LRRC4C: variants seen among roughly 807,000 people sequenced by gnomAD.
LRRC4C encodes the protein leucine rich repeat containing 4C.
Under a neutral mutation model 33.6 loss-of-function variants are expected in LRRC4C, and 5 were observed. That is an observed-to-expected ratio of 0.15 (90% CI 0.08 to 0.31). The LOEUF (loss-of-function observed/expected upper bound fraction) is 0.31. LRRC4C is among the 10% of genes least tolerant of loss of function. The pLI is 1.00. For missense variants in LRRC4C, 560 were observed against 796.7 expected, an observed-to-expected ratio of 0.70 and a Z score of 3.58; for synonymous variants, 329 against 302.0, an observed-to-expected ratio of 1.09 and a Z score of -0.93.
intron 3 of LRRC4C, among the ~76,000 whole-genome samples, chr11:40,367,980 C>T (rs927506484): frequency 1.3e-5 from 2 of 152,128 alleles, no homozygotes; most frequent in Non-Finnish European, 2.9e-5. Flanking sequence ...ATTGATTGAA[C>T]TACACCCCCT....
chr11:40,337,605 T>G (rs997479363), intron 3 of LRRC4C, among the ~76,000 whole-genome samples: 1 of 152,126 alleles, frequency 6.6e-6, no homozygotes, highest in African/African-American at 2.4e-5. Context: ...AGATAACAGT[T>G]TTAAATAAGT....
rs139248986 is a variant in LRRC4C at position 40,740,913 on chromosome 11, T to C, written c.-406-92635A>G. Among the ~76,000 whole-genome samples the C allele has an allele frequency of 1.0e-3, 157 of 152,216 alleles. 1 individual carries two copies. Among genetic ancestry groups the C allele is most frequent in the African/African-American group, 3.5e-3 (145 of 41,554 alleles). ...TACATTCCCCCCATTGGTACCTTTG[T>C]CAAAGACCATTTGACTGTAAAAGTA... On this transcript the variant is annotated intron_variant, in intron 2 of 6. Coordinates refer to ENST00000528697, the MANE Select transcript of LRRC4C (RefSeq NM_001258419.2).
intron 3 of LRRC4C, among the ~76,000 whole-genome samples, chr11:40,393,584 A>T (rs995832140): frequency 6.6e-6 from 1 of 152,208 alleles, no homozygotes; most frequent in Admixed American, 6.5e-5. Context: ...ATGGTACAGG[A>T]TAACTCGGTA....
At chr11:40,296,022 T>G (rs1266102679) in intron 4 of LRRC4C, among the ~76,000 whole-genome samples, 1 of 152,206 alleles carries the variant, frequency 6.6e-6, no homozygotes, top group African/African-American at 2.4e-5. Context: ...AATTTTCTTT[T>G]TAGGGATTTT....
chr11:41,425,893 G>C (rs958261371), intron 1 of LRRC4C, among the ~76,000 whole-genome samples: 1 of 152,082 alleles, frequency 6.6e-6, no homozygotes, highest in Non-Finnish European at 1.5e-5. Flanking sequence ...GTAAGGGATA[G>C]GTTGCCTTTT....
At position 41,319,218 on chromosome 11, in the gene LRRC4C, G is replaced by C. The variant is rs79109144; in HGVS notation, c.-496+140213C>G. ...AATGAGAAGGAAAAAAACTAACTAA[G>C]TAGTATCAGCAGAACATTTCTGTCG... On this transcript the variant is annotated intron_variant, in intron 1 of 6. Coordinates refer to ENST00000528697, the MANE Select transcript of LRRC4C (RefSeq NM_001258419.2). 1.3e-3 allele frequency among the ~76,000 whole-genome samples: 194 copies of C among 152,214 alleles called. 5 individuals are homozygous for C. The East Asian group carries it at 0.033, about 26-fold the overall frequency.
chr11:41,240,937 G>C, intron 1 of LRRC4C, among the ~76,000 whole-genome samples: 1 of 152,074 alleles, frequency 6.6e-6, no homozygotes, highest in East Asian at 1.9e-4. Context: ...ATCTACAATA[G>C]GCAGGAAAAC....
At chr11:41,378,256 G>C (rs930766297) in intron 1 of LRRC4C, among the ~76,000 whole-genome samples, 1 of 151,958 alleles carries the variant, frequency 6.6e-6, no homozygotes, top group Non-Finnish European at 1.5e-5. Context: ...AAAGAACATG[G>C]GAATGAAGAA....
At chr11:40,781,847 C>G (rs991857645) in intron 2 of LRRC4C, among the ~76,000 whole-genome samples, 2 of 152,080 alleles carry the variant, frequency 1.3e-5, no homozygotes, top group African/African-American at 4.8e-5. Flanking sequence ...TAAATAAAGT[C>G]AAGGCTTGGT....
At chr11:40,834,581 G>A (rs572141131) in intron 2 of LRRC4C, among the ~76,000 whole-genome samples, 206 of 152,052 alleles carry the variant, frequency 1.4e-3, no homozygotes, top group South Asian at 0.011. Flanking sequence ...CTAGAAATTA[G>A]GAATATTGTT....
chr11:40,831,569 A>T (rs993996643), intron 2 of LRRC4C, among the ~76,000 whole-genome samples: 13 of 152,218 alleles, frequency 8.5e-5, no homozygotes, highest in Non-Finnish European at 1.8e-4. Flanking sequence ...TGAAATATAT[A>T]GGAATAAAAT....
chr11:40,960,967 G>GTT (rs1850939027), intron 1 of LRRC4C, among the ~76,000 whole-genome samples: 1 of 151,660 alleles, frequency 6.6e-6, no homozygotes, highest in African/African-American at 2.4e-5. Flanking sequence ...AGCTGAAGCT[G>GTT]TCAGGTCTCT....
chr11:41,448,031 A>G (rs113583845), intron 1 of LRRC4C, among the ~76,000 whole-genome samples: 1 of 151,042 alleles, frequency 6.6e-6, no homozygotes, highest in African/African-American at 2.4e-5. Context: ...CAAATGTGAT[A>G]ATTTGTAATG....
At chr11:41,404,394 A>C (rs1300664488) in intron 1 of LRRC4C, among the ~76,000 whole-genome samples, 1 of 151,844 alleles carries the variant, frequency 6.6e-6, no homozygotes, top group Non-Finnish European at 1.5e-5. Flanking sequence ...CAATTAGTGG[A>C]GATGGCCCAG....
At chr11:40,758,952 T>A (rs1949070280) in intron 2 of LRRC4C, among the ~76,000 whole-genome samples, 1 of 151,528 alleles carries the variant, frequency 6.6e-6, no homozygotes. Flanking sequence ...ATAATCAATA[T>A]CTCTTTTTCT....
chr11:40,774,246 G>A (rs985033555), intron 2 of LRRC4C, among the ~76,000 whole-genome samples: 2 of 151,984 alleles, frequency 1.3e-5, no homozygotes, highest in African/African-American at 2.4e-5. Context: ...CTATTTACCT[G>A]TTGAAGGACA....
intron 1 of LRRC4C, among the ~76,000 whole-genome samples, chr11:41,075,027 T>TTTTTTTTTTTTTTTTTTTTTTTTTTTTTA (rs764193977): frequency 8.7e-5 from 9 of 102,934 alleles, no homozygotes; most frequent in Non-Finnish European, 1.3e-4. Flanking sequence ...TTTTTTTTTT[T>TTTTTTTTTTTTTTTTTTTTTTTTTTTTTA]TTTTTTTTTA....
At chr11:40,725,507 C>T (rs1021705262) in intron 2 of LRRC4C, among the ~76,000 whole-genome samples, 11 of 150,052 alleles carry the variant, frequency 7.3e-5, no homozygotes, top group African/African-American at 1.5e-4. Context: ...AAGAGCGAGA[C>T]TCTGTTTAAA....
intron 3 of LRRC4C, among the ~76,000 whole-genome samples, chr11:40,548,674 G>A (rs1307809977): frequency 6.6e-6 from 1 of 152,136 alleles, no homozygotes; most frequent in Non-Finnish European, 1.5e-5. Context: ...CATGCTCTAG[G>A]AAGAACGAGG....
Sources: gnomAD v4.1 joint callset for allele counts (sites outside exome capture counted in the v4.1 genomes callset) on GRCh38, gnomAD v4.1.1 for gene constraint, MANE v1.5 for transcripts, NCBI Gene and HGNC (gene_info 2026-07-23, HGNC 2026-07-21) for gene names.